Variants in HIP1R observed in about 807,000 individuals in gnomAD.
The protein encoded by HIP1R is huntingtin-interacting protein 1-related protein.
In HIP1R, 135 loss-of-function variants were observed where a neutral mutation model predicts 144.2. The observed-to-expected ratio is 0.94, with a 90% CI of 0.81 to 1.08. The LOEUF is 1.08. Among genes scored for constraint, HIP1R ranks in the 50% least tolerant of loss-of-function variants. The pLI, the probability that HIP1R is intolerant of heterozygous loss-of-function variation, is 0.00. For missense variants in HIP1R, 1,462 were observed against 1,432.8 expected (o/e 1.02, Z -0.33); for synonymous variants, 698 against 612.8 (o/e 1.14, Z -2.05).
intron 1 of HIP1R, among the ~76,000 whole-genome samples, chr12:122,842,814 G>A (rs12314494): frequency 0.068 from 10,326 of 152,258 alleles, 488 homozygotes; most frequent in East Asian, 0.23. Flanking sequence ...TGAGATGCTC[G>A]CTGGGGTGTG....
At chr12:122,843,195 C>A (rs1048446361) in intron 1 of HIP1R, among the ~76,000 whole-genome samples, 2 of 152,220 alleles carry the variant, frequency 1.3e-5, no homozygotes. Flanking sequence ...CCAGGCCTAG[C>A]CCGCACCCTG....
At position 122,857,171 on chromosome 12, in the gene HIP1R, A is replaced by T. The variant is rs1484311202; in HGVS notation, c.1771A>T (p.Ser591Cys). 3 of 1,550,420 alleles carry T rather than the reference A, an allele frequency of 1.9e-6. No homozygotes were observed. The South Asian group carries it at 3.6e-5, about 18-fold the overall frequency. Residue 591 changes from serine to cysteine, a missense_variant, in exon 18 of 32, where the codon AGC becomes TGC. Transcript: ENST00000253083. The stretch of plus-strand genomic sequence containing the variant: ...GGCGCTGAGCCGGGAGCAGCAGCGC[A>T]GCTCCCAGGAGCAGGGCGAGTTGCA... The part of the protein sequence containing the change: ...EAALSREQQR[S>C]SQEQGELQGR...
In HIP1R at chr12:122,859,322, C is replaced by T. The variant is rs569434419; in HGVS notation, c.2296-104C>T. 17 of 1,456,166 alleles carry T rather than the reference C, an allele frequency of 1.2e-5. No individual in the cohort carries two copies. In the Admixed American group the frequency reaches 1.6e-4, roughly 14 times the overall value. The allele number at this position is 1,456,166 out of a possible 1,614,324, so 90.2% of individuals were successfully genotyped here. Reference sequence around the variant, plus strand: ...GCAGCCTCAGGACACAGGGTGGGGACCATGCACCCTCCTCGATCCCTGTGG... The same window carrying T: ...GCAGCCTCAGGACACAGGGTGGGGATCATGCACCCTCCTCGATCCCTGTGG... On this transcript the variant is annotated intron_variant, in intron 22 of 31. Coordinates refer to ENST00000253083, the MANE Select transcript of HIP1R (RefSeq NM_003959.3).
At chr12:122,839,530 TC>T (rs1316000037) in intron 1 of HIP1R, among the ~76,000 whole-genome samples, 3 of 152,094 alleles carry the variant, frequency 2.0e-5, no homozygotes, top group Non-Finnish European at 4.4e-5. Context: ...ATGCTTAGCA[TC>T]CCCCGTGAAA....
Position 122,854,897 on chromosome 12 carries a change from C to T in HIP1R, c.719-8C>T. On this transcript the variant is annotated splice_polypyrimidine_tract_variant and splice_region_variant and intron_variant, in intron 8 of 31. Transcript: ENST00000253083. ...GAGAAGTCCTGTTACACTTGTGCCA[C>T]CCTCCAGGTCTCCCTGCGGACACCC... The T allele has an allele frequency of 6.2e-7, 1 of 1,612,286 alleles. No individual in the cohort carries two copies. The highest frequency in any genetic ancestry group is 8.5e-7 in the Non-Finnish European group (1 of 1,179,436).
chr12:122,851,530 T>C (rs1349417185), intron 7 of HIP1R, among the ~76,000 whole-genome samples: 1 of 151,930 alleles, frequency 6.6e-6, no homozygotes, highest in African/African-American at 2.4e-5. Context: ...AAACCCTGTC[T>C]CTACTAAAAA....
chr12:122,849,192 A>G (rs2033301534), intron 4 of HIP1R, among the ~76,000 whole-genome samples: 1 of 152,256 alleles, frequency 6.6e-6, no homozygotes, highest in South Asian at 2.1e-4. Flanking sequence ...CCTGCTGCTG[A>G]AGAATCAGGA....
chr12:122,851,158 C>T, intron 6 of HIP1R, 78 bp from the exon 7 acceptor site: 1 of 1,295,856 alleles, frequency 7.7e-7, no homozygotes, highest in Non-Finnish European at 1.0e-6. Flanking sequence ...CCCCCGTCCC[C>T]ACTGGAGGGG....
intron 1 of HIP1R, among the ~76,000 whole-genome samples, chr12:122,846,657 A>G (rs2033219512): frequency 6.6e-6 from 1 of 152,132 alleles, no homozygotes. Flanking sequence ...CCCCGACTAC[A>G]GGGAGCAGGG....
At chr12:122,858,482 CCAG>C (rs747015324) in intron 20 of HIP1R, 47 bp downstream of exon 20, 18 of 1,464,690 alleles carry the variant, frequency 1.2e-5, no homozygotes, top group Non-Finnish European at 1.6e-5. Flanking sequence ...TGTCCCAGTT[CCAG>C]CGCCCATGGC....
Position 122,860,080 on chromosome 12 carries a change from G to C in HIP1R, c.2496+3G>C. 1 of 1,576,510 alleles carries C rather than the reference G, an allele frequency of 6.3e-7. No homozygotes were observed. The highest frequency in any genetic ancestry group is 2.2e-5 in the East Asian group (1 of 44,544). On this transcript the variant is annotated splice_donor_region_variant and intron_variant, in intron 25 of 31. Coordinates refer to ENST00000253083, the MANE Select transcript of HIP1R (RefSeq NM_003959.3). The stretch of plus-strand genomic sequence containing the variant: ...ACTCCTGCACAGACCTGATGAAGGT[G>C]AGGGGCTGTGACCCGGGGGGGTCTG...
chr12:122,850,249 T>C, intron 5 of HIP1R: 1 of 570,498 alleles, frequency 1.8e-6, no homozygotes. Flanking sequence ...GCTCCCCTCC[T>C]CCCAACCCCT....
Position 122,855,588 on chromosome 12 carries a change from C to A in HIP1R, c.1031C>A (p.Pro344His), listed in dbSNP as rs536665725. The A allele has an allele frequency of 7.1e-6, 11 of 1,549,662 alleles. No individual in the cohort carries two copies. The highest frequency in any genetic ancestry group is 5.9e-5 in the Admixed American group (3 of 51,004). ...CTCTTCGATCAGACGTTTGGACCCC[C>A]CAATGGGTCTGTGAAGGACGACAGG... ...ADLFDQTFGP[P>H]NGSVKDDRDL... is the part of the protein sequence containing the mutation. The change falls in exon 12 of 32, where the codon CCC (proline) becomes CAC (histidine). Residue 344 changes from proline (P) to histidine (H), a missense_variant. Pro to His is a moderately conservative substitution (Grantham distance 77). Transcript: ENST00000253083.
chr12:122,857,799 G>A lies in HIP1R; in HGVS notation c.1816-303G>A, dbSNP rs141323868. 839 of 338,804 alleles carry A rather than the reference G, an allele frequency of 2.5e-3. 9 individuals carry two copies. Among genetic ancestry groups the A allele is most frequent in the African/African-American group, 0.016 (777 of 47,584 alleles). 21.0% of individuals were successfully genotyped at this position (338,804 alleles called of 1,614,324 possible). On this transcript the variant is annotated intron_variant, in intron 18 of 31. Transcript: ENST00000253083. The stretch of plus-strand genomic sequence containing the variant: ...TAGTGGGTGTGGAGTGGTTTCTCAC[G>A]GTCTTGATTTGTGTTTCCCTGATAG...
rs1486578092 is a variant in HIP1R, at chr12:122,857,016, C to T, written c.1621-5C>T. The stretch of plus-strand genomic sequence containing the variant: ...CACATGCCTGGTGTCCATGTCTGTC[C>T]ACAGAGCAAGTCGGAGCTGAGCTCA... On this transcript the variant is annotated splice_region_variant and splice_polypyrimidine_tract_variant and intron_variant, in intron 17 of 31. Transcript: ENST00000253083. 1.9e-6 allele frequency: 3 copies of T among 1,548,404 alleles called. No individual in the cohort carries two copies. The highest frequency in any genetic ancestry group is 2.6e-6 in the Non-Finnish European group (3 of 1,146,772).
chr12:122,860,554 G>T, intron 27 of HIP1R, 31 bp downstream of exon 27: 1 of 1,585,212 alleles, frequency 6.3e-7, no homozygotes, highest in Non-Finnish European at 8.7e-7. Flanking sequence ...GGGGGCAGGG[G>T]GCTGCTTCCT....
rs1156826809 is a variant in HIP1R at position 122,837,042 on chromosome 12, C to T, written c.93+1399C>T. Among the ~76,000 whole-genome samples the T allele has an allele frequency of 2.0e-5, 3 of 152,158 alleles. No homozygotes were observed. The East Asian group carries it at 5.8e-4, about 29-fold the overall frequency. ...GTCACCAATACATAATTAATTGTGC[C>T]AAGAACTTGTAGATCATAGGGAGAA... On this transcript the variant is annotated intron_variant, in intron 1 of 31. Transcript: ENST00000253083.
chr12:122,847,524 G>A (rs2033243745), intron 1 of HIP1R, among the ~76,000 whole-genome samples: 1 of 152,242 alleles, frequency 6.6e-6, no homozygotes, highest in South Asian at 2.1e-4. Context: ...ATGGGGCAGT[G>A]GGCCACAGGC....
At chr12:122,835,714 A>T (rs2032868042) in intron 1 of HIP1R, 71 bp downstream of exon 1, 1 of 878,680 alleles carries the variant, frequency 1.1e-6, no homozygotes, top group Non-Finnish European at 1.4e-6. Context: ...CTGACCCCTC[A>T]CGCGCGAACG....
Sources: allele counts gnomAD v4.1 joint callset (sites outside exome capture counted in the v4.1 genomes callset), GRCh38; gene constraint gnomAD v4.1.1; transcripts MANE v1.5; gene names NCBI Gene and HGNC (gene_info 2026-07-23, HGNC 2026-07-21).